Variants in NKAIN2 observed in about 807,000 individuals in gnomAD.
NKAIN2 encodes the protein sodium/potassium transporting ATPase interacting 2.
In NKAIN2, 14 loss-of-function variants were observed where a neutral mutation model predicts 32.6. The ratio of observed to expected loss-of-function variants is 0.43; its 90% CI spans 0.28 to 0.67. The LOEUF is 0.67. NKAIN2 is among the 30% of genes least tolerant of loss of function. The pLI is 0.17. For missense variants in NKAIN2, 198 were observed against 258.3 expected, an observed-to-expected ratio of 0.77 and a Z score of 1.60; for synonymous variants, 80 against 87.2, an observed-to-expected ratio of 0.92 and a Z score of 0.46.
At chr6:124,401,877 TC>T (rs1424621382) in intron 3 of NKAIN2, among the ~76,000 whole-genome samples, 2 of 152,314 alleles carry the variant, frequency 1.3e-5, no homozygotes, top group East Asian at 3.9e-4. Context: ...CCTAATGATG[TC>T]TTTTGATAAA....
intron 4 of NKAIN2, among the ~76,000 whole-genome samples, chr6:124,748,891 A>G (rs1777580732): frequency 6.7e-6 from 1 of 149,302 alleles, no homozygotes; most frequent in South Asian, 2.1e-4. Flanking sequence ...TTCGTTTTCT[A>G]TTGCAGCTGT....
At chr6:124,235,748 G>A (rs1414170399) in intron 1 of NKAIN2, among the ~76,000 whole-genome samples, 4 of 151,640 alleles carry the variant, frequency 2.6e-5, no homozygotes, top group Admixed American at 2.0e-4. Context: ...ACAGGCACCC[G>A]TGACCACTCC....
At chr6:124,484,015 T>C (rs189723341) in intron 3 of NKAIN2, among the ~76,000 whole-genome samples, 1 of 152,212 alleles carries the variant, frequency 6.6e-6, no homozygotes. Context: ...TCAGCAGAAC[T>C]ATGTCAGGAG....
chr6:123,903,429 A>G (rs1774700132), intron 1 of NKAIN2, among the ~76,000 whole-genome samples: 1 of 152,210 alleles, frequency 6.6e-6, no homozygotes, highest in Admixed American at 6.5e-5. Context: ...AGATTCCTCC[A>G]TTTTATGGTA....
At chr6:124,550,453 A>G (rs1780246555) in intron 3 of NKAIN2, among the ~76,000 whole-genome samples, 1 of 151,910 alleles carries the variant, frequency 6.6e-6, no homozygotes, top group Admixed American at 6.6e-5. Context: ...CTCATCTTCT[A>G]TCTTCCCTGA....
At chr6:124,284,065 C>G (rs202205999) in intron 2 of NKAIN2, among the ~76,000 whole-genome samples, 296 of 151,910 alleles carry the variant, frequency 1.9e-3, no homozygotes, top group Middle Eastern at 3.4e-3. Flanking sequence ...CTCATTGGTA[C>G]AGCCAGGCAA....
In NKAIN2 at chr6:124,030,415, A is replaced by G. The variant is rs181362818; in HGVS notation, c.54+226161A>G. On this transcript the variant is annotated intron_variant, in intron 1 of 6. Coordinates refer to ENST00000368417, the MANE Select transcript of NKAIN2 (RefSeq NM_001040214.3). ...TTCACTTAATAGTCTTGTAACTGTG[A>G]ACAGAAAAGTTGGCTATCCCGTCAT... 1.2e-3 allele frequency among the ~76,000 whole-genome samples: 182 copies of G among 152,300 alleles called. 1 individual carries two copies. The highest frequency in any genetic ancestry group is 4.3e-3 in the African/African-American group (177 of 41,574).
intron 1 of NKAIN2, among the ~76,000 whole-genome samples, chr6:123,833,615 G>A (rs1005034514): frequency 1.3e-5 from 2 of 150,582 alleles, no homozygotes; most frequent in Admixed American, 6.6e-5. Context: ...TTCCTCACAC[G>A]GATTTTGTAT....
At position 124,801,759 on chromosome 6, in the gene NKAIN2, T is replaced by G. The variant is rs189976359; in HGVS notation, c.535+10360T>G. Among the ~76,000 whole-genome samples, 186 of 152,266 alleles carry G rather than the reference T, an allele frequency of 1.2e-3. 1 individual carries two copies. Among genetic ancestry groups the G allele is most frequent in the Admixed American group, 3.3e-3 (50 of 15,286 alleles). ...TGGGAATGATTCCAAGAAGAACTCA[T>G]GCAGTTTAGAAGAGGGAAAGAAATT... On this transcript the variant is annotated intron_variant, in intron 5 of 6. Transcript: ENST00000368417.
intron 1 of NKAIN2, among the ~76,000 whole-genome samples, chr6:124,249,941 G>A (rs1042659340): frequency 1.3e-5 from 2 of 152,120 alleles, no homozygotes; most frequent in African/African-American, 4.8e-5. Flanking sequence ...AAACTTTTCT[G>A]TCTTGATCTT....
At chr6:124,142,748 A>G (rs1787206870) in intron 1 of NKAIN2, among the ~76,000 whole-genome samples, 2 of 152,362 alleles carry the variant, frequency 1.3e-5, no homozygotes, top group African/African-American at 4.8e-5. Flanking sequence ...TTAGGGGATT[A>G]CTATATTCTA....
intron 1 of NKAIN2, among the ~76,000 whole-genome samples, chr6:123,867,992 C>T (rs1331286177): frequency 6.6e-6 from 1 of 151,934 alleles, no homozygotes; most frequent in African/African-American, 2.4e-5. Flanking sequence ...CCTCAGCCTC[C>T]CGAGTAGCTG....
intron 1 of NKAIN2, among the ~76,000 whole-genome samples, chr6:124,202,473 C>CT (rs1562419789): frequency 6.6e-6 from 1 of 151,828 alleles, no homozygotes; most frequent in African/African-American, 2.4e-5. Flanking sequence ...ATTCATTCAA[C>CT]TGTTGTTCTA....
chr6:124,464,419 A>G (rs1776658528), intron 3 of NKAIN2, among the ~76,000 whole-genome samples: 1 of 149,894 alleles, frequency 6.7e-6, no homozygotes, highest in African/African-American at 2.4e-5. Flanking sequence ...AATAGCCATG[A>G]ATTATAAGCT....
In NKAIN2 at chr6:123,851,244, A is replaced by ATTTTTT. The variant is rs59287833; in HGVS notation, c.54+47008_54+47013dup. Reference sequence around the variant, plus strand: ...GATTGCTGGATCATATGGTGGTTCTATTTTTTTTTTTTTTTTTTTTTTTGA... The same window carrying ATTTTTT: ...GATTGCTGGATCATATGGTGGTTCTATTTTTTTTTTTTTTTTTTTTTTTTTTTTTGA... On this transcript the variant is annotated intron_variant, in intron 1 of 6. Coordinates refer to ENST00000368417, the MANE Select transcript of NKAIN2 (RefSeq NM_001040214.3). Among the ~76,000 whole-genome samples, 363 of 88,196 alleles carry ATTTTTT rather than the reference A, an allele frequency of 4.1e-3. 21 individuals carry two copies. Among genetic ancestry groups the ATTTTTT allele is most frequent in the African/African-American group, 8.3e-3 (173 of 20,864 alleles). The allele number at this position is 88,196 out of a possible 152,430, so 57.9% of individuals were successfully genotyped here. A position where few individuals can be genotyped will look rare whatever the true frequency, so the allele number is the denominator to read the frequency against.
At chr6:123,903,645 T>A (rs1774713724) in intron 1 of NKAIN2, among the ~76,000 whole-genome samples, 1 of 152,216 alleles carries the variant, frequency 6.6e-6, no homozygotes, top group Admixed American at 6.5e-5. Context: ...AAGTCTGTAT[T>A]GCCAACCATA....
At chr6:124,502,211 A>G (rs1438923150) in intron 3 of NKAIN2, among the ~76,000 whole-genome samples, 1 of 152,188 alleles carries the variant, frequency 6.6e-6, no homozygotes, top group African/African-American at 2.4e-5. Context: ...GTAACTTGAA[A>G]GAGATAGTAG....
rs555820224 is a variant in NKAIN2 at position 123,859,910 on chromosome 6, C to CA, written c.54+55659dup. ...TTTGCCATGTTGGCCAGGCTGGCCT[C>CA]AAACTCCTGACCTCAAGTGATCCAC... On this transcript the variant is annotated intron_variant, in intron 1 of 6. Coordinates refer to ENST00000368417, the MANE Select transcript of NKAIN2 (RefSeq NM_001040214.3). Among the ~76,000 whole-genome samples, 331 of 152,150 alleles carry CA rather than the reference C, an allele frequency of 2.2e-3. 2 individuals carry two copies. The highest frequency in any genetic ancestry group is 7.4e-3 in the African/African-American group (307 of 41,498).
At chr6:124,750,853 C>G (rs1273089393) in intron 4 of NKAIN2, among the ~76,000 whole-genome samples, 1 of 151,960 alleles carries the variant, frequency 6.6e-6, no homozygotes, top group Non-Finnish European at 1.5e-5. Flanking sequence ...TTGCACCATT[C>G]TTGGATAAGG....
Sources: allele counts gnomAD v4.1 joint callset (sites outside exome capture counted in the v4.1 genomes callset), GRCh38; gene constraint gnomAD v4.1.1; transcripts MANE v1.5; gene names NCBI Gene and HGNC (gene_info 2026-07-23, HGNC 2026-07-21).